Variants in AIG1 observed in about 807,000 individuals in gnomAD.
AIG1 encodes the protein androgen-induced gene 1 protein.
AIG1 carries 23 observed loss-of-function variants against 31.4 expected under a neutral mutation model. That is an observed-to-expected ratio of 0.73 (90% CI 0.53 to 1.04). The LOEUF is 1.04. Among genes scored for constraint, AIG1 ranks in the 50% least tolerant of loss-of-function variants. The pLI is 0.00. For missense variants in AIG1, 274 were observed against 295.0 expected (o/e 0.93, Z 0.52); for synonymous variants, 100 against 110.5 (o/e 0.90, Z 0.60).
intron 1 of AIG1, among the ~76,000 whole-genome samples, chr6:143,129,270 A>G (rs1782992845): frequency 6.6e-6 from 1 of 152,220 alleles, no homozygotes; most frequent in Non-Finnish European, 1.5e-5. Context: ...CAGCCTGGGC[A>G]ACATAGTGAG....
chr6:143,127,933 CTG>C (rs1782840669), intron 1 of AIG1, among the ~76,000 whole-genome samples: 1 of 152,152 alleles, frequency 6.6e-6, no homozygotes, highest in African/African-American at 2.4e-5. Context: ...AGTGATCCAC[CTG>C]CCTTGGCCTC....
At chr6:143,263,484 T>C (rs1468447996) in intron 3 of AIG1, among the ~76,000 whole-genome samples, 1 of 152,054 alleles carries the variant, frequency 6.6e-6, no homozygotes, top group African/African-American at 2.4e-5. Context: ...ACATTTTCTT[T>C]AATGTATGCT....
chr6:143,099,000 C>A (rs1470598005), intron 1 of AIG1, among the ~76,000 whole-genome samples: 6 of 152,224 alleles, frequency 3.9e-5, no homozygotes, highest in Admixed American at 3.3e-4. Flanking sequence ...ATCAGAGAAC[C>A]ATCTTCATAT....
At chr6:143,156,328 A>G (rs898185945) in intron 2 of AIG1, among the ~76,000 whole-genome samples, 12 of 117,690 alleles carry the variant, frequency 1.0e-4, no homozygotes, top group Non-Finnish European at 2.3e-4. Flanking sequence ...GCACTTAAGA[A>G]CCATGGAGTA....
chr6:143,318,913 A>G (rs1426797403), intron 4 of AIG1, among the ~76,000 whole-genome samples: 1 of 152,226 alleles, frequency 6.6e-6, no homozygotes, highest in African/African-American at 2.4e-5. Flanking sequence ...AATGAAAATC[A>G]AAACCAAATG....
intron 1 of AIG1, among the ~76,000 whole-genome samples, chr6:143,077,293 G>A (rs1437239379): frequency 3.9e-5 from 6 of 152,130 alleles, no homozygotes; most frequent in Admixed American, 3.9e-4. Flanking sequence ...TACCATTTCT[G>A]TTGCTCTCTT....
intron 3 of AIG1, among the ~76,000 whole-genome samples, chr6:143,196,265 T>G (rs1459953806): frequency 6.6e-6 from 1 of 151,982 alleles, no homozygotes; most frequent in African/African-American, 2.4e-5. Context: ...GTTTTGCACA[T>G]TTCTGGAGGG....
chr6:143,242,100 A>G (rs1441024728), intron 3 of AIG1, among the ~76,000 whole-genome samples: 1 of 152,114 alleles, frequency 6.6e-6, no homozygotes, highest in Admixed American at 6.5e-5. Context: ...CCTCCAGGAT[A>G]AAGAGGAAAA....
intron 1 of AIG1, among the ~76,000 whole-genome samples, chr6:143,080,906 G>A (rs939135877): frequency 6.6e-6 from 1 of 152,026 alleles, no homozygotes; most frequent in African/African-American, 2.4e-5. Context: ...AAAGGGGAAG[G>A]GACTTGACTA....
chr6:143,097,461 TGTC>T (rs1376380873), intron 1 of AIG1, among the ~76,000 whole-genome samples: 3 of 152,134 alleles, frequency 2.0e-5, no homozygotes, highest in Non-Finnish European at 2.9e-5. Flanking sequence ...CTCAACTACT[TGTC>T]TACTCATGCC....
intron 3 of AIG1, among the ~76,000 whole-genome samples, chr6:143,171,290 T>C (rs1787492183): frequency 6.7e-6 from 1 of 150,296 alleles, no homozygotes; most frequent in Admixed American, 6.7e-5. Context: ...AACATAATGA[T>C]GTTTGATTTT....
chr6:143,182,374 T>A (rs529155345), intron 3 of AIG1, among the ~76,000 whole-genome samples: 1 of 152,284 alleles, frequency 6.6e-6, no homozygotes, highest in East Asian at 1.9e-4. Context: ...TGGTATATTA[T>A]AGGTACTCAA....
intron 1 of AIG1, among the ~76,000 whole-genome samples, chr6:143,106,125 G>C (rs970743282): frequency 6.6e-6 from 1 of 152,116 alleles, no homozygotes; most frequent in African/African-American, 2.4e-5. Context: ...TCCTGGAGTA[G>C]GGCAGGCCCT....
intron 1 of AIG1, among the ~76,000 whole-genome samples, chr6:143,090,581 A>G (rs1390024302): frequency 6.6e-6 from 1 of 152,228 alleles, no homozygotes; most frequent in African/African-American, 2.4e-5. Flanking sequence ...TTTTGGTTTC[A>G]CAGTACATAT....
In AIG1 at chr6:143,189,592, C is replaced by A. The variant is rs1333594390; in HGVS notation, c.399+24409C>A. The A allele has an allele frequency of 9.1e-6, 9 of 985,252 alleles. No individual in the cohort carries two copies. The South Asian group carries it at 2.3e-4, about 26-fold the overall frequency. 61.0% of individuals were successfully genotyped at this position (985,252 alleles called of 1,614,324 possible). On this transcript the variant is annotated intron_variant, in intron 3 of 5. Transcript: ENST00000357847. ...TTGCATGGAAAGTTCTGACAGGAAACTCAGAAATATTTCATTGTTTTACCC... is the reference window on the plus strand; with the variant it reads ...TTGCATGGAAAGTTCTGACAGGAAAATCAGAAATATTTCATTGTTTTACCC...
intron 4 of AIG1, among the ~76,000 whole-genome samples, chr6:143,308,839 C>T (rs1192495280): frequency 2.6e-5 from 4 of 152,072 alleles, no homozygotes; most frequent in Non-Finnish European, 5.9e-5. Context: ...GTGAAATTTC[C>T]ACAAAGCATT....
At chr6:143,176,575 C>T (rs972218221) in intron 3 of AIG1, among the ~76,000 whole-genome samples, 1 of 149,130 alleles carries the variant, frequency 6.7e-6, no homozygotes, top group South Asian at 2.1e-4. Flanking sequence ...GTTATGTTCC[C>T]GGGGGGGTTA....
chr6:143,111,852 A>G (rs1300455544), intron 1 of AIG1, among the ~76,000 whole-genome samples: 1 of 152,026 alleles, frequency 6.6e-6, no homozygotes, highest in African/African-American at 2.4e-5. Context: ...AATAGCCTTA[A>G]TATGTCTGCA....
chr6:143,280,476 G>T lies in AIG1; in HGVS notation c.400-3634G>T, dbSNP rs189580393. Among the ~76,000 whole-genome samples, 863 of 152,282 alleles carry T rather than the reference G, an allele frequency of 5.7e-3. 7 individuals are homozygous for T. The highest frequency in any genetic ancestry group is 8.5e-3 in the Non-Finnish European group (579 of 68,028). On this transcript the variant is annotated intron_variant, in intron 3 of 5. Coordinates refer to ENST00000357847, the MANE Select transcript of AIG1 (RefSeq NM_016108.4). This position sits in a 1 kb window ranked among gnomAD's most constrained non-coding sequence, Gnocchi z 4.1. ...GCGAAAACATGGAATCAACCTAAAT[G>T]CCTATCAGTGACAGATTGGATAAGG...
Sources: allele counts gnomAD v4.1 joint callset (sites outside exome capture counted in the v4.1 genomes callset), GRCh38; gene constraint gnomAD v4.1.1; non-coding constraint Gnocchi (gnomAD v3.1); transcripts MANE v1.5; gene names NCBI Gene and HGNC (gene_info 2026-07-23, HGNC 2026-07-21).